The following ESR2 variants were observed in gnomAD, a reference collection of about 807,000 sequenced individuals.
The protein encoded by ESR2 is estrogen receptor 2, also known as estrogen receptor beta.
ESR2 carries 36 observed loss-of-function variants against 49.6 expected under a neutral mutation model. The ratio of observed to expected loss-of-function variants is 0.73; its 90% CI spans 0.56 to 0.96. ESR2 has a LOEUF of 0.96. Ranked by LOEUF, ESR2 falls within the 40% of genes least tolerant of loss-of-function variation. ESR2 has a pLI of 0.00. For synonymous variants in ESR2, 320 were observed against 266.1 expected (o/e 1.20, Z -1.97); for missense variants, 714 against 693.0 (o/e 1.03, Z -0.34).
At chr14:64,316,493 A>G (rs12878151) in intron 1 of ESR2, among the ~76,000 whole-genome samples, 4 of 152,094 alleles carry the variant, frequency 2.6e-5, no homozygotes, top group Non-Finnish European at 5.9e-5. Flanking sequence ...TGATATAAAA[A>G]CCAAACAAAG....
intron 1 of ESR2, among the ~76,000 whole-genome samples, chr14:64,289,424 A>G (rs2076834612): frequency 6.6e-6 from 1 of 152,142 alleles, no homozygotes; most frequent in Non-Finnish European, 1.5e-5. Flanking sequence ...AGGCAGGACA[A>G]TCGCTTGAAC....
At chr14:64,235,425 C>T (rs982835848) in intron 7 of ESR2, among the ~76,000 whole-genome samples, 2 of 152,206 alleles carry the variant, frequency 1.3e-5, no homozygotes, top group Non-Finnish European at 2.9e-5. Context: ...CTTGCCGTGG[C>T]GAGTATATCT....
In ESR2 at chr14:64,230,100, G is replaced by A. The variant is rs577567374; in HGVS notation, c.*3037C>T. Among the ~76,000 whole-genome samples the A allele has an allele frequency of 6.6e-5, 10 of 152,084 alleles. No homozygotes were observed. The East Asian group carries it at 9.7e-4, about 15-fold the overall frequency. ...GGAATGGGGTGGGATGGGGCACTGT[G>A]GTGGGAGGATCGCTTGAGCCCAGGA... is the stretch of plus-strand genomic sequence containing the variant. On this transcript the variant is annotated 3_prime_UTR_variant, in exon 9 of 9. Transcript: ENST00000341099.
At chr14:64,315,728 C>T (rs1217312967) in intron 1 of ESR2, among the ~76,000 whole-genome samples, 4 of 151,434 alleles carry the variant, frequency 2.6e-5, no homozygotes, top group Non-Finnish European at 5.9e-5. Flanking sequence ...GATCTCAGCT[C>T]ACTGCAACCT....
downstream of ESR2, chr14:64,227,269 C>T (rs1176090404): frequency 1.5e-5 from 7 of 479,952 alleles, no homozygotes; most frequent in Non-Finnish European, 2.6e-5. Context: ...ACATTGGTGC[C>T]CCTCATGGGT....
rs111422802 is a variant in ESR2 at position 64,279,584 on chromosome 14, C to T, written c.535+397G>A. Reference sequence around the variant, plus strand: ...CAAAAAATGTGTTTATTCTTTCTTCCTCAGGAGCCAGCCCACCATCATGAC... The same window carrying T: ...CAAAAAATGTGTTTATTCTTTCTTCTTCAGGAGCCAGCCCACCATCATGAC... On this transcript the variant is annotated intron_variant, in intron 3 of 8. Coordinates refer to ENST00000341099, the MANE Select transcript of ESR2 (RefSeq NM_001437.3). 6.2e-3 allele frequency among the ~76,000 whole-genome samples: 945 copies of T among 152,290 alleles called. 9 individuals are homozygous for T. The highest frequency in any genetic ancestry group is 0.021 in the African/African-American group (869 of 41,554).
Position 64,260,699 on chromosome 14 carries a change from A to C in ESR2, c.702T>G (p.Ser234Arg). 1 of 1,560,436 alleles carries C rather than the reference A, an allele frequency of 6.4e-7. No homozygotes were observed. The highest frequency in any genetic ancestry group is 1.4e-5 in the African/African-American group (1 of 73,284). ...CGYRLVRRQR[S>R]ADEQLHCAGK... is the part of the protein sequence containing the mutation. Reference sequence around the variant, plus strand: ...CGGCACAGTGCAGCTGCTCGTCGGCACTTCTCTGTCTCCGCACAAGGCGGT... The same window carrying C: ...CGGCACAGTGCAGCTGCTCGTCGGCCCTTCTCTGTCTCCGCACAAGGCGGT... Residue 234 changes from serine (S) to arginine (R), a missense_variant, in exon 5 of 9, where the codon AGT becomes AGG. Coordinates refer to ENST00000341099, the MANE Select transcript of ESR2 (RefSeq NM_001437.3).
intron 7 of ESR2, among the ~76,000 whole-genome samples, chr14:64,235,648 A>T (rs762642047): frequency 1.3e-5 from 2 of 152,174 alleles, no homozygotes; most frequent in Non-Finnish European, 2.9e-5. Flanking sequence ...GGCCCCTGCT[A>T]CCACCTCTGC....
At chr14:64,280,382 T>C (rs982806505) in intron 2 of ESR2, among the ~76,000 whole-genome samples, 1 of 152,100 alleles carries the variant, frequency 6.6e-6, no homozygotes, top group African/African-American at 2.4e-5. Context: ...GGTAGGTGAG[T>C]TTATGCCCAT....
chr14:64,279,232 A>T lies in ESR2; in HGVS notation c.535+749T>A, dbSNP rs118108205. Among the ~76,000 whole-genome samples the T allele has an allele frequency of 1.4e-3, 219 of 152,322 alleles. 5 individuals carry two copies. In the East Asian group the frequency reaches 0.038, roughly 27 times the overall value. On this transcript the variant is annotated intron_variant, in intron 3 of 8. Transcript: ENST00000341099. ...ATTGATTAATGCCTTATGTCTCCCT[A>T]AAATGTATAAGACCAAGTTGTGGCC...
At chr14:64,258,853 G>T (rs949258167) in intron 5 of ESR2, among the ~76,000 whole-genome samples, 53 of 152,124 alleles carry the variant, frequency 3.5e-4, no homozygotes, top group Non-Finnish European at 7.2e-4. Flanking sequence ...AAGGCTAGAT[G>T]ATATTTTAAT....
At chr14:64,242,922 T>C (rs1435732992) in intron 7 of ESR2, among the ~76,000 whole-genome samples, 1 of 152,214 alleles carries the variant, frequency 6.6e-6, no homozygotes, top group Admixed American at 6.5e-5. Context: ...AAGGCACATC[T>C]CATGTGGCGG....
chr14:64,301,612 A>G (rs1567789876), intron 1 of ESR2: 1 of 152,354 alleles, frequency 6.6e-6, no homozygotes, highest in East Asian at 1.9e-4. Flanking sequence ...CAAGGAAACT[A>G]GCGCACATAG....
chr14:64,274,860 C>T (rs1193308465), intron 3 of ESR2, among the ~76,000 whole-genome samples: 2 of 152,172 alleles, frequency 1.3e-5, no homozygotes, highest in Admixed American at 6.6e-5. Flanking sequence ...TTCATTGACA[C>T]ACTGGTTGTT....
At position 64,286,629 on chromosome 14, in the gene ESR2, T is replaced by C. The variant is rs111730901; in HGVS notation, c.-90-3554A>G. On this transcript the variant is annotated intron_variant, in intron 1 of 8. Coordinates refer to ENST00000341099, the MANE Select transcript of ESR2 (RefSeq NM_001437.3). ...GTATTTTAATTACTTAGATTCCTGA[T>C]CAACATAAACAATTCCTTATTCTTA... Among the ~76,000 whole-genome samples the C allele has an allele frequency of 4.9e-3, 750 of 152,216 alleles. 4 individuals are homozygous for C. Among genetic ancestry groups the C allele is most frequent in the African/African-American group, 0.017 (686 of 41,532 alleles).
chr14:64,260,170 G>A (rs1407182622), intron 5 of ESR2: 1 of 678,302 alleles, frequency 1.5e-6, no homozygotes. Context: ...GTCAAGAATA[G>A]AAATGGCTGG....
At chr14:64,254,018 GA>G (rs1382173669) in intron 6 of ESR2, among the ~76,000 whole-genome samples, 1 of 152,080 alleles carries the variant, frequency 6.6e-6, no homozygotes, top group Non-Finnish European at 1.5e-5. Flanking sequence ...GTTAGTAAAA[GA>G]AAAACTAAAT....
rs966338349 is a variant in ESR2, at chr14:64,231,251, C to A, written c.*1886G>T. 5.3e-5 allele frequency: 8 copies of A among 152,174 alleles called. No homozygotes were observed. The highest frequency in any genetic ancestry group is 1.9e-4 in the African/African-American group (8 of 41,428). The allele number at this position is 152,174 out of a possible 1,614,324, so 9.4% of individuals were successfully genotyped here. A position where few individuals can be genotyped will look rare whatever the true frequency, so the allele number is the denominator to read the frequency against. On this transcript the variant is annotated 3_prime_UTR_variant, in exon 9 of 9. Transcript: ENST00000341099. ...TAAAAATACATTTAATAGAATTTCA[C>A]TGGCAGATAATGAGTTGCTGAAGGC...
intron 3 of ESR2, among the ~76,000 whole-genome samples, chr14:64,270,632 T>C (rs917325085): frequency 6.6e-6 from 1 of 152,072 alleles, no homozygotes; most frequent in African/African-American, 2.4e-5. Flanking sequence ...TGCCTCAGCC[T>C]CCCAAATAGC....
Sources: allele counts gnomAD v4.1 joint callset (sites outside exome capture counted in the v4.1 genomes callset), GRCh38; gene constraint gnomAD v4.1.1; transcripts MANE v1.5; gene names NCBI Gene and HGNC (gene_info 2026-07-23, HGNC 2026-07-21).